SLC35F4: variants seen among roughly 807,000 people sequenced by gnomAD.
The protein encoded by SLC35F4 is solute carrier family 35 member F4, also known as chromosome 14 open reading frame 36.
SLC35F4 carries 24 observed loss-of-function variants against 44.2 expected under a neutral mutation model. The observed-to-expected ratio is 0.54, with a 90% CI of 0.39 to 0.76. The LOEUF is 0.76. Ranked by LOEUF, SLC35F4 falls within the 30% of genes least tolerant of loss-of-function variation. The pLI, the probability that SLC35F4 is intolerant of heterozygous loss-of-function variation, is 0.00. For synonymous variants in SLC35F4, 238 were observed against 223.6 expected (o/e 1.06, Z -0.57); for missense variants, 562 against 586.1 (o/e 0.96, Z 0.42).
chr14:57,945,340 C>T (rs1175815054), intron 1 of SLC35F4, among the ~76,000 whole-genome samples: 2 of 151,822 alleles, frequency 1.3e-5, no homozygotes, highest in African/African-American at 4.8e-5. Flanking sequence ...GAAAAAGAAG[C>T]TGCTGCCTAA....
chr14:57,630,247 A>G, intron 1 of SLC35F4: 1 of 553,908 alleles, frequency 1.8e-6, no homozygotes. Flanking sequence ...GATGACAGAT[A>G]CAGACATTCT....
intron 1 of SLC35F4, among the ~76,000 whole-genome samples, chr14:57,641,651 T>C (rs1348511160): frequency 1.3e-5 from 2 of 152,008 alleles, no homozygotes; most frequent in East Asian, 1.9e-4. Context: ...CAATGTTTCA[T>C]AGTACCACTA....
chr14:57,862,511 C>A (rs1176175718), intron 1 of SLC35F4, among the ~76,000 whole-genome samples: 1 of 152,212 alleles, frequency 6.6e-6, no homozygotes, highest in Non-Finnish European at 1.5e-5. Context: ...TCCTCAGTGA[C>A]CTCATCTCCA....
rs773148552 is a variant in SLC35F4, at chr14:57,709,640, G to A, written c.104-115516C>T. Among the ~76,000 whole-genome samples the A allele has an allele frequency of 2.0e-5, 3 of 152,264 alleles. No individual in the cohort carries two copies. The East Asian group carries it at 5.8e-4, about 29-fold the overall frequency. On this transcript the variant is annotated intron_variant, in intron 1 of 7. Coordinates refer to ENST00000556826, the MANE Select transcript of SLC35F4 (RefSeq NM_001306087.2). Reference sequence around the variant, plus strand: ...ACTGGAATAAAGGTGCTCTTGCTATGCATTAGCAAAGAGACTGGCAACATT... The same window carrying A: ...ACTGGAATAAAGGTGCTCTTGCTATACATTAGCAAAGAGACTGGCAACATT...
intron 1 of SLC35F4, chr14:57,799,436 C>A (rs921051014): frequency 2.0e-5 from 3 of 152,402 alleles, no homozygotes; most frequent in Non-Finnish European, 2.9e-5. Flanking sequence ...GGATTCCCAG[C>A]GAGGTGGCAG....
At chr14:57,587,810 T>G (rs185327143) in intron 3 of SLC35F4, among the ~76,000 whole-genome samples, 4 of 127,900 alleles carry the variant, frequency 3.1e-5, no homozygotes, top group African/African-American at 1.2e-4. Flanking sequence ...CAAAAGGTGA[T>G]CAAAAATTAA....
chr14:57,726,975 C>A lies in SLC35F4; in HGVS notation c.104-132851G>T, dbSNP rs575144285. ...AGCTTCCCAGCCTACATCTTTCTCC[C>A]GTGCTGGATGCTTCCTGCCCTCAAA... On this transcript the variant is annotated intron_variant, in intron 1 of 7. Coordinates refer to ENST00000556826, the MANE Select transcript of SLC35F4 (RefSeq NM_001306087.2). Among the ~76,000 whole-genome samples, 3 of 152,206 alleles carry A rather than the reference C, an allele frequency of 2.0e-5. No homozygotes were observed. In the South Asian group the frequency reaches 6.2e-4, roughly 32 times the overall value.
intron 1 of SLC35F4, among the ~76,000 whole-genome samples, chr14:57,663,612 A>C (rs955674170): frequency 2.0e-5 from 3 of 152,200 alleles, no homozygotes; most frequent in African/African-American, 4.8e-5. Flanking sequence ...ACAATTGCTC[A>C]TATTTCTCCA....
intron 1 of SLC35F4, among the ~76,000 whole-genome samples, chr14:57,746,828 A>G (rs76588058): frequency 0.036 from 5,417 of 152,212 alleles, 93 homozygotes; most frequent in Middle Eastern, 0.041. Flanking sequence ...AAAGTTAGAG[A>G]AAATATGTTT....
upstream of SLC35F4, among the ~76,000 whole-genome samples, chr14:57,867,002 T>TAATAATAATAATAA (rs1566916240): frequency 6.8e-6 from 1 of 146,740 alleles, no homozygotes; most frequent in Non-Finnish European, 1.5e-5. Context: ...ATAATAATAA[T>TAATAATAATAATAA]TTTCAAAGTT....
chr14:57,846,423 A>C (rs961336960), intron 1 of SLC35F4, among the ~76,000 whole-genome samples: 4 of 152,214 alleles, frequency 2.6e-5, no homozygotes, highest in African/African-American at 7.2e-5. Flanking sequence ...ACAAACAAAC[A>C]AACCAGGCAG....
At chr14:57,964,023 T>C (rs1228732286) in intron 1 of SLC35F4, among the ~76,000 whole-genome samples, 1 of 152,104 alleles carries the variant, frequency 6.6e-6, no homozygotes, top group Non-Finnish European at 1.5e-5. Flanking sequence ...TGCCCAGCCC[T>C]AGCTCATCTT....
At chr14:57,593,908 A>G in intron 2 of SLC35F4, 31 bp downstream of exon 2, 1 of 1,608,186 alleles carries the variant, frequency 6.2e-7, no homozygotes, top group Non-Finnish European at 8.5e-7. Flanking sequence ...ACTAGGATGT[A>G]CCGTTATTTA....
chr14:57,882,313 G>C (rs1377711360), intron 1 of SLC35F4, among the ~76,000 whole-genome samples: 1 of 152,114 alleles, frequency 6.6e-6, no homozygotes, highest in African/African-American at 2.4e-5. Flanking sequence ...TCAGAATCCA[G>C]GTGAAAATCA....
chr14:57,569,037 C>G (rs1178817349), intron 6 of SLC35F4, among the ~76,000 whole-genome samples: 1 of 152,104 alleles, frequency 6.6e-6, no homozygotes, highest in Non-Finnish European at 1.5e-5. Context: ...GGTGAAGCAG[C>G]CAGCCTCAGA....
chr14:57,649,029 T>C (rs2073668181), intron 1 of SLC35F4, among the ~76,000 whole-genome samples: 1 of 152,218 alleles, frequency 6.6e-6, no homozygotes, highest in Non-Finnish European at 1.5e-5. Context: ...TGCCTACCTA[T>C]TTCTCATCAT....
intron 1 of SLC35F4, among the ~76,000 whole-genome samples, chr14:57,745,797 C>T (rs1234212397): frequency 3.9e-5 from 6 of 152,102 alleles, no homozygotes; most frequent in South Asian, 2.1e-4. Context: ...ATGTTTATTG[C>T]GGCACTATTC....
chr14:57,620,059 T>C (rs2072088681), intron 1 of SLC35F4, among the ~76,000 whole-genome samples: 1 of 152,046 alleles, frequency 6.6e-6, no homozygotes, highest in Non-Finnish European at 1.5e-5. Flanking sequence ...ACCAAATGTG[T>C]GTTTGATTGG....
upstream of SLC35F4, among the ~76,000 whole-genome samples, chr14:57,982,570 G>A (rs1881412397): frequency 6.6e-6 from 1 of 152,106 alleles, no homozygotes; most frequent in African/African-American, 2.4e-5. Context: ...GGGCTAGCCA[G>A]CAGAGAGGAG....
Sources: gnomAD v4.1 joint callset for allele counts (sites outside exome capture counted in the v4.1 genomes callset) on GRCh38, gnomAD v4.1.1 for gene constraint, MANE v1.5 for transcripts, NCBI Gene and HGNC (gene_info 2026-07-23, HGNC 2026-07-21) for gene names.